BBOX1: variants seen among roughly 807,000 people sequenced by gnomAD.
BBOX1 encodes gamma-butyrobetaine dioxygenase.
A neutral mutation model predicts 41.6 loss-of-function variants in BBOX1; 35 were observed. The ratio of observed to expected loss-of-function variants is 0.84; its 90% CI spans 0.64 to 1.11. The LOEUF is 1.11. Among genes scored for constraint, BBOX1 ranks in the 50% most tolerant of loss-of-function variants. BBOX1 has a pLI of 0.00. For missense variants in BBOX1, 458 were observed against 460.6 expected (o/e 0.99, Z 0.05); for synonymous variants, 163 against 154.7 (o/e 1.05, Z -0.40).
chr11:27,055,375 A>C lies in BBOX1; in HGVS notation c.-38-18A>C. The C allele has an allele frequency of 6.4e-7, 1 of 1,556,158 alleles. No individual in the cohort carries two copies. The highest frequency in any genetic ancestry group is 8.8e-7 in the Non-Finnish European group (1 of 1,132,756). On this transcript the variant is annotated intron_variant, in intron 2 of 8. Coordinates refer to ENST00000263182, the MANE Select transcript of BBOX1 (RefSeq NM_003986.3). ...ATCTTATCTGCCTGAGATTCCTTTTAACACTGATTTGTCATAGCAGGTAGC... is the reference window on the plus strand; with the variant it reads ...ATCTTATCTGCCTGAGATTCCTTTTCACACTGATTTGTCATAGCAGGTAGC...
At chr11:27,065,418 G>T (rs1470177305) in intron 4 of BBOX1, among the ~76,000 whole-genome samples, 1 of 152,056 alleles carries the variant, frequency 6.6e-6, no homozygotes, top group Non-Finnish European at 1.5e-5. Flanking sequence ...TTTCTGCACT[G>T]CACTTGGTAA....
intron 5 of BBOX1, among the ~76,000 whole-genome samples, chr11:27,106,478 C>T (rs1202786681): frequency 6.6e-6 from 1 of 152,012 alleles, no homozygotes; most frequent in Non-Finnish European, 1.5e-5. Context: ...CAGCAAAGAT[C>T]AAAAGAGACA....
intron 4 of BBOX1, among the ~76,000 whole-genome samples, chr11:27,073,931 G>A (rs987240653): frequency 2.5e-4 from 38 of 151,950 alleles, no homozygotes; most frequent in African/African-American, 8.5e-4. Context: ...GGGTAAGGGG[G>A]AGGGATAGCA....
chr11:27,093,066 A>T, intron 4 of BBOX1, 102 bp from the exon 5 acceptor site: 1 of 1,131,406 alleles, frequency 8.8e-7, no homozygotes, highest in Non-Finnish European at 1.3e-6. Flanking sequence ...GTCCATTATA[A>T]ATCAACAATC....
At chr11:27,118,810 C>T (rs1859355531) in intron 6 of BBOX1, among the ~76,000 whole-genome samples, 1 of 151,572 alleles carries the variant, frequency 6.6e-6, no homozygotes, top group Admixed American at 6.6e-5. Context: ...AAAATTAGCA[C>T]TTGAAATATT....
intron 4 of BBOX1, among the ~76,000 whole-genome samples, chr11:27,081,469 G>C (rs1263554923): frequency 6.6e-6 from 1 of 152,058 alleles, no homozygotes; most frequent in Non-Finnish European, 1.5e-5. Context: ...TGGACATTTG[G>C]GTGGGTTCCA....
At chr11:27,099,750 T>G (rs758180722) in intron 5 of BBOX1, among the ~76,000 whole-genome samples, 1 of 152,056 alleles carries the variant, frequency 6.6e-6, no homozygotes, top group African/African-American at 2.4e-5. Context: ...ATCTCTCTGA[T>G]CCTCCTCTAC....
chr11:27,093,095 C>G, intron 4 of BBOX1, 73 bp from the exon 5 acceptor site: 1 of 1,394,120 alleles, frequency 7.2e-7, no homozygotes, highest in Non-Finnish European at 1.0e-6. Context: ...TGAACTAGCC[C>G]CTTCTCTGAG....
intron 5 of BBOX1, among the ~76,000 whole-genome samples, chr11:27,094,221 G>T (rs947686924): frequency 6.6e-6 from 1 of 151,914 alleles, no homozygotes; most frequent in Non-Finnish European, 1.5e-5. Context: ...AATTATGGAT[G>T]GTTAAACACT....
intron 4 of BBOX1, among the ~76,000 whole-genome samples, chr11:27,081,180 C>T (rs532955100): frequency 4.3e-4 from 65 of 152,176 alleles, no homozygotes; most frequent in African/African-American, 1.5e-3. Flanking sequence ...AGTTCTTTTT[C>T]AATGAACTAG....
chr11:27,055,055 A>G (rs1856938168), intron 2 of BBOX1, among the ~76,000 whole-genome samples: 1 of 152,194 alleles, frequency 6.6e-6, no homozygotes, highest in East Asian at 1.9e-4. Flanking sequence ...TCTTCCTTAA[A>G]CATTCCAGAG....
In BBOX1 at chr11:27,055,175, G is replaced by A. The variant is rs1222448469; in HGVS notation, c.-38-218G>A. The A allele has an allele frequency of 3.0e-5, 11 of 369,386 alleles. No individual in the cohort carries two copies. The East Asian group carries it at 4.6e-4, about 16-fold the overall frequency. 22.9% of individuals were successfully genotyped at this position (369,386 alleles called of 1,614,324 possible). ...TTCTTTTCATTTGGATCCTGACTCA[G>A]CACTTACATCCCATTTACTTTTAGT... is the stretch of plus-strand genomic sequence containing the variant. On this transcript the variant is annotated intron_variant, in intron 2 of 8. Transcript: ENST00000263182.
At chr11:27,067,099 G>C (rs1442152269) in intron 4 of BBOX1, among the ~76,000 whole-genome samples, 2 of 152,122 alleles carry the variant, frequency 1.3e-5, no homozygotes, top group Admixed American at 6.5e-5. Context: ...GTGAAGGGTA[G>C]TGTTGCACCA....
chr11:27,042,822 CAAAT>C (rs1317048067), intron 2 of BBOX1, among the ~76,000 whole-genome samples: 3 of 152,212 alleles, frequency 2.0e-5, no homozygotes, highest in African/African-American at 7.2e-5. Flanking sequence ...TGTATGTACT[CAAAT>C]GATGTCAAAC....
rs535148051 is a variant in BBOX1, at chr11:27,122,402, T to G, written c.836+2557T>G. Among the ~76,000 whole-genome samples, 10 of 152,230 alleles carry G rather than the reference T, an allele frequency of 6.6e-5. No individual in the cohort carries two copies. The East Asian group carries it at 1.7e-3, about 26-fold the overall frequency. On this transcript the variant is annotated intron_variant, in intron 7 of 8. Transcript: ENST00000263182. ...AAAATACTGCCACACATGATTGAAG[T>G]AGGAATTGCAGAGTTAATATATGGA... is the stretch of plus-strand genomic sequence containing the variant.
intron 5 of BBOX1, among the ~76,000 whole-genome samples, chr11:27,111,391 G>A (rs1258955092): frequency 6.6e-6 from 1 of 151,912 alleles, no homozygotes; most frequent in Admixed American, 6.6e-5. Flanking sequence ...TACCCATTGG[G>A]TACTATGCTC....
intron 4 of BBOX1, among the ~76,000 whole-genome samples, chr11:27,060,970 C>T (rs1047336269): frequency 6.6e-6 from 1 of 152,060 alleles, no homozygotes. Context: ...AATTTAGTAC[C>T]GATTGTCTGG....
chr11:27,081,782 T>C (rs543958582), intron 4 of BBOX1, among the ~76,000 whole-genome samples: 1 of 152,216 alleles, frequency 6.6e-6, no homozygotes, highest in South Asian at 2.1e-4. Flanking sequence ...ATTGTGGTTT[T>C]GATTTGCATT....
intron 5 of BBOX1, among the ~76,000 whole-genome samples, chr11:27,095,051 C>G (rs145308361): frequency 1.6e-4 from 25 of 152,058 alleles, no homozygotes; most frequent in African/African-American, 6.0e-4. Context: ...ATCTGTAACC[C>G]AAGTGCCCAC....
Sources: allele counts gnomAD v4.1 joint callset (sites outside exome capture counted in the v4.1 genomes callset), GRCh38; gene constraint gnomAD v4.1.1; transcripts MANE v1.5; gene names NCBI Gene and HGNC (gene_info 2026-07-23, HGNC 2026-07-21).